The following PPTC7 variants were observed in gnomAD, a reference collection of about 807,000 sequenced individuals.
PPTC7 encodes the protein protein phosphatase targeting COQ7.
Under a neutral mutation model 30.8 loss-of-function variants are expected in PPTC7, and 6 were observed. The observed-to-expected ratio is 0.19, with a 90% CI of 0.11 to 0.38. The LOEUF (loss-of-function observed/expected upper bound fraction) is 0.38, where lower values mean the gene tolerates loss of function less well. PPTC7 is among the 10% of genes least tolerant of loss of function. The pLI, the probability that PPTC7 is intolerant of heterozygous loss-of-function variation, is 1.00. For missense variants in PPTC7, 218 were observed against 404.8 expected (o/e 0.54, Z 3.96); for synonymous variants, 163 against 168.1 (o/e 0.97, Z 0.23).
chr12:110,581,413 GA>G lies in PPTC7; in HGVS notation c.223+1395del, dbSNP rs796539590. 1.9e-3 allele frequency among the ~76,000 whole-genome samples: 279 copies of G among 143,982 alleles called. 2 individuals are homozygous for G. The highest frequency in any genetic ancestry group is 5.6e-3 in the African/African-American group (219 of 39,348). 94.5% of individuals were successfully genotyped at this position (143,982 alleles called of 152,430 possible). On this transcript the variant is annotated intron_variant, in intron 1 of 5. Coordinates refer to ENST00000354300, the MANE Select transcript of PPTC7 (RefSeq NM_139283.2). ...TGAGTGACAGAGGTAGACTCCGTCT[GA>G]AAAAAAAAAACGCAGCACAGGTCAC...
At chr12:110,565,032 G>A (rs2064471078) in intron 1 of PPTC7, among the ~76,000 whole-genome samples, 1 of 151,274 alleles carries the variant, frequency 6.6e-6, no homozygotes, top group Non-Finnish European at 1.5e-5. Flanking sequence ...CCGTCACCAT[G>A]CCCGGTTCAT....
At chr12:110,540,310 T>TCCCCCCC (rs1235977655) in intron 3 of PPTC7, among the ~76,000 whole-genome samples, 3 of 104,390 alleles carry the variant, frequency 2.9e-5, no homozygotes, top group African/African-American at 1.1e-4. Flanking sequence ...CCGAATTCCA[T>TCCCCCCC]CCCCCCCCGC....
intron 1 of PPTC7, among the ~76,000 whole-genome samples, chr12:110,568,649 A>G (rs956772622): frequency 1.3e-5 from 2 of 152,206 alleles, no homozygotes; most frequent in African/African-American, 4.8e-5. Flanking sequence ...ATTGGTCTTT[A>G]AAACAACTGT....
chr12:110,549,963 C>T (rs1384870845), intron 2 of PPTC7, among the ~76,000 whole-genome samples: 2 of 152,060 alleles, frequency 1.3e-5, no homozygotes, highest in Non-Finnish European at 2.9e-5. Context: ...CAGAGAGGTG[C>T]TAGAAATAGC....
chr12:110,562,892 C>T (rs748805950), intron 1 of PPTC7, among the ~76,000 whole-genome samples: 1 of 150,504 alleles, frequency 6.6e-6, no homozygotes, highest in Admixed American at 6.6e-5. Context: ...GAGGTCGAGG[C>T]GGGTGGATCA....
In PPTC7 at chr12:110,533,337, AAATTCAGGT is replaced by A. The variant is rs1352982124; in HGVS notation, c.*3691_*3699del. 6.6e-6 allele frequency: 1 copy of A among 152,196 alleles called. No homozygotes were observed. The allele number at this position is 152,196 out of a possible 1,614,324, so 9.4% of individuals were successfully genotyped here. A position where few individuals can be genotyped will look rare whatever the true frequency, so the allele number is the denominator to read the frequency against. ...TGCATAAGTTATAATTCAGACATCC[AAATTCAGGT>A]AATTGCCTCTTGGGTAATAAGACAA... On this transcript the variant is annotated 3_prime_UTR_variant, in exon 6 of 6. Transcript: ENST00000354300.
chr12:110,577,166 C>CAAAAAA (rs34958891), intron 1 of PPTC7, among the ~76,000 whole-genome samples: 2 of 81,192 alleles, frequency 2.5e-5, no homozygotes, highest in African/African-American at 5.3e-5. Flanking sequence ...GACTCTGTCT[C>CAAAAAA]AAAAAAAAAA....
intron 1 of PPTC7, among the ~76,000 whole-genome samples, chr12:110,576,656 C>T (rs1277967983): frequency 1.3e-5 from 2 of 151,992 alleles, no homozygotes; most frequent in East Asian, 1.9e-4. Flanking sequence ...TATGAAATGT[C>T]TCAAACACAA....
At chr12:110,568,974 C>G (rs1227434811) in intron 1 of PPTC7, among the ~76,000 whole-genome samples, 2 of 152,116 alleles carry the variant, frequency 1.3e-5, no homozygotes, top group Non-Finnish European at 2.9e-5. Flanking sequence ...ACAACTACAC[C>G]TGTGTAGAGA....
intron 1 of PPTC7, among the ~76,000 whole-genome samples, chr12:110,556,798 T>C (rs1368212786): frequency 6.6e-6 from 1 of 152,128 alleles, no homozygotes; most frequent in Non-Finnish European, 1.5e-5. Flanking sequence ...GCTAGACTTC[T>C]CACAGAGAAA....
chr12:110,581,573 A>C (rs550274241), intron 1 of PPTC7, among the ~76,000 whole-genome samples: 1 of 152,218 alleles, frequency 6.6e-6, no homozygotes, highest in Non-Finnish European at 1.5e-5. Context: ...GTTAATATCA[A>C]TAGCGTTGCC....
rs2064216918 is a variant in PPTC7, at chr12:110,536,122, T to TA, written c.*914dup. On this transcript the variant is annotated 3_prime_UTR_variant, in exon 6 of 6. Transcript: ENST00000354300. ...ACTGAAAGCCAACAAAATTCAAAGT[T>TA]ACAGCTGTCTGTTCTCAACCCTTCA... is the stretch of plus-strand genomic sequence containing the variant. 1 of 152,226 alleles carries TA rather than the reference T, an allele frequency of 6.6e-6. No individual in the cohort carries two copies. The allele number at this position is 152,226 out of a possible 1,614,324, so 9.4% of individuals were successfully genotyped here. A position where few individuals can be genotyped will look rare whatever the true frequency, so the allele number is the denominator to read the frequency against.
rs144929751 is a variant in PPTC7, at chr12:110,537,447, A to G, written c.857-352T>C. Among the ~76,000 whole-genome samples, 70 of 152,336 alleles carry G rather than the reference A, an allele frequency of 4.6e-4. 1 individual carries two copies. The East Asian group carries it at 0.011, about 24-fold the overall frequency. On this transcript the variant is annotated intron_variant, in intron 5 of 5. Coordinates refer to ENST00000354300, the MANE Select transcript of PPTC7 (RefSeq NM_139283.2). ...ATCCTAATTTAGACAGACATATCCAATGTTTTGAAACTAGGAATAGCCTTG... is the reference window on the plus strand; with the variant it reads ...ATCCTAATTTAGACAGACATATCCAGTGTTTTGAAACTAGGAATAGCCTTG...
intron 3 of PPTC7, among the ~76,000 whole-genome samples, chr12:110,544,124 C>T (rs982642605): frequency 3.3e-5 from 5 of 152,128 alleles, no homozygotes; most frequent in Admixed American, 6.5e-5. Context: ...TATGGTCACC[C>T]GCCTACTTTT....
chr12:110,573,733 G>A (rs1342893522), intron 1 of PPTC7, among the ~76,000 whole-genome samples: 1 of 151,870 alleles, frequency 6.6e-6, no homozygotes, highest in Non-Finnish European at 1.5e-5. Context: ...TGTAATCCCA[G>A]CACTTTGGGA....
chr12:110,542,673 CAAAAAAAAA>C (rs765332697), intron 3 of PPTC7, among the ~76,000 whole-genome samples: 2 of 26,796 alleles, frequency 7.5e-5, no homozygotes, highest in South Asian at 1.2e-3. Context: ...GACTCTGTCT[CAAAAAAAAA>C]AAAAAAAAAA....
chr12:110,578,632 C>A (rs2064609335), intron 1 of PPTC7, among the ~76,000 whole-genome samples: 1 of 152,152 alleles, frequency 6.6e-6, no homozygotes, highest in African/African-American at 2.4e-5. Context: ...AGCTTTCATT[C>A]CAGTCAAGGA....
intron 1 of PPTC7, among the ~76,000 whole-genome samples, chr12:110,576,237 T>C (rs2064587896): frequency 6.6e-6 from 1 of 151,990 alleles, no homozygotes; most frequent in Non-Finnish European, 1.5e-5. Flanking sequence ...ATATATTTGA[T>C]TGCTGCAATT....
At chr12:110,563,122 C>CAAAA (rs766517371) in intron 1 of PPTC7, among the ~76,000 whole-genome samples, 147 of 42,992 alleles carry the variant, frequency 3.4e-3, no homozygotes, top group African/African-American at 4.7e-3. Flanking sequence ...GACTCCATCT[C>CAAAA]AAAAAAAAAA....
Sources: gnomAD v4.1 joint callset for allele counts (sites outside exome capture counted in the v4.1 genomes callset) on GRCh38, gnomAD v4.1.1 for gene constraint, MANE v1.5 for transcripts, NCBI Gene and HGNC (gene_info 2026-07-23, HGNC 2026-07-21) for gene names.